CRTC3: variants seen among roughly 807,000 people sequenced by gnomAD.
CRTC3 encodes the protein CREB-regulated transcription coactivator 3.
In CRTC3, 26 loss-of-function variants were observed where a neutral mutation model predicts 74.5. That is an observed-to-expected ratio of 0.35 (90% CI 0.26 to 0.48). The LOEUF (loss-of-function observed/expected upper bound fraction) is 0.48, where lower values mean the gene tolerates loss of function less well. CRTC3 is among the 20% of genes least tolerant of loss of function. CRTC3 has a pLI of 0.99. For synonymous variants in CRTC3, 377 were observed against 325.8 expected, an observed-to-expected ratio of 1.16 and a Z score of -1.69; for missense variants, 760 against 787.3, an observed-to-expected ratio of 0.97 and a Z score of 0.41.
intron 7 of CRTC3, among the ~76,000 whole-genome samples, chr15:90,615,882 C>T (rs1437149611): frequency 3.3e-5 from 5 of 150,946 alleles, no homozygotes; most frequent in Non-Finnish European, 5.9e-5. Flanking sequence ...TTTTTGGAGA[C>T]GGAGTCTCGC....
Position 90,638,544 on chromosome 15 carries a change from CCAGCCCCTCCTGCAG to C in CRTC3, c.1373_1387del (p.Leu458_Pro462del), listed in dbSNP as rs1969322670. ...CTTACCCTGCACCCCAGGAGCTCACCCAGCCCCTCCTGCAGCAGCCCCGCGCCCCTGAGGCCCCTG... is the reference window on the plus strand; with the variant it reads ...CTTACCCTGCACCCCAGGAGCTCACCCAGCCCCGCGCCCCTGAGGCCCCTG... On this transcript the variant is annotated inframe_deletion, in exon 12 of 15. Transcript: ENST00000268184. 6.2e-7 allele frequency: 1 copy of C among 1,613,172 alleles called. No homozygotes were observed. Among genetic ancestry groups the C allele is most frequent in the East Asian group, 2.2e-5 (1 of 44,884 alleles).
chr15:90,569,576 C>T (rs534741841), intron 2 of CRTC3, among the ~76,000 whole-genome samples: 2 of 83,436 alleles, frequency 2.4e-5, no homozygotes, highest in Non-Finnish European at 6.1e-5. Context: ...AATTGGTATA[C>T]GTCTTTTTTG....
rs1234530581 is a variant in CRTC3, at chr15:90,543,208, G to A, written c.231+3071G>A. Among the ~76,000 whole-genome samples, 4 of 148,044 alleles carry A rather than the reference G, an allele frequency of 2.7e-5. No individual in the cohort carries two copies. In the East Asian group the frequency reaches 7.9e-4, roughly 29 times the overall value. On this transcript the variant is annotated intron_variant, in intron 2 of 14. Coordinates refer to ENST00000268184, the MANE Select transcript of CRTC3 (RefSeq NM_022769.5). The stretch of plus-strand genomic sequence containing the variant: ...GCTACTTGGGAAGCCGAAGTGGGAG[G>A]ATTGAGTGCTTGAGTCCAGAGAGCA...
At chr15:90,632,076 A>ATT (rs5814442) in intron 11 of CRTC3, among the ~76,000 whole-genome samples, 9,460 of 145,212 alleles carry the variant, frequency 0.065, 370 homozygotes, top group Middle Eastern at 0.12. Flanking sequence ...TAATTTTTGT[A>ATT]TTTTTTTTTT....
At chr15:90,635,176 C>A in intron 11 of CRTC3, 2 of 547,514 alleles carry the variant, frequency 3.7e-6, no homozygotes, top group Non-Finnish European at 6.5e-6. Context: ...AAAATTGTTT[C>A]CTTGTACTGA....
In CRTC3 at chr15:90,641,183, G is replaced by A. The variant is rs748481937; in HGVS notation, c.1635G>A (p.Pro545=). 1.7e-5 allele frequency: 27 copies of A among 1,612,350 alleles called. No homozygotes were observed. Among genetic ancestry groups the A allele is most frequent in the South Asian group, 1.2e-4 (11 of 90,986 alleles). Residue 545 remains proline (P), a synonymous_variant, in exon 14 of 15, where the codon CCG becomes CCA. Transcript: ENST00000268184. ...PSPYSNCGSL[P]NTILPEDSST... is the part of the protein sequence containing the mutation. The stretch of plus-strand genomic sequence containing the variant: ...CGTATTCCAACTGCGGGAGTCTCCC[G>A]AACACCATCCTGCCAGGTGAGCGAG...
At chr15:90,576,021 A>G (rs1316726192) in intron 2 of CRTC3, among the ~76,000 whole-genome samples, 1 of 152,194 alleles carries the variant, frequency 6.6e-6, no homozygotes, top group African/African-American at 2.4e-5. Context: ...ATTAGAGACA[A>G]AAAGACCAAT....
In CRTC3 at chr15:90,629,143, G is replaced by C. The variant is rs1379854140; in HGVS notation, c.968-91G>C. The C allele has an allele frequency of 4.1e-6, 5 of 1,219,270 alleles. No individual in the cohort carries two copies. The Admixed American group carries it at 9.1e-5, about 22-fold the overall frequency. The allele number at this position is 1,219,270 out of a possible 1,614,324, so 75.5% of individuals were successfully genotyped here. A position where few individuals can be genotyped will look rare whatever the true frequency, so the allele number is the denominator to read the frequency against. The stretch of plus-strand genomic sequence containing the variant: ...CTCCTTTACCTACAGAATCATCATC[G>C]CATGTGACAGTAGACAGTTTTCTTT... On this transcript the variant is annotated intron_variant, in intron 10 of 14. Coordinates refer to ENST00000268184, the MANE Select transcript of CRTC3 (RefSeq NM_022769.5).
rs146625731 is a variant in CRTC3 at position 90,547,289 on chromosome 15, T to C, written c.231+7152T>C. On this transcript the variant is annotated intron_variant, in intron 2 of 14. Coordinates refer to ENST00000268184, the MANE Select transcript of CRTC3 (RefSeq NM_022769.5). ...CAATATATGATACATTGTTATTAAC[T>C]TTAGCAATCATGATGTACTATAGAT... Among the ~76,000 whole-genome samples the C allele has an allele frequency of 5.9e-5, 9 of 152,332 alleles. No homozygotes were observed. In the East Asian group the frequency reaches 1.7e-3, roughly 29 times the overall value.
At chr15:90,618,310 G>A (rs1968549393) in intron 8 of CRTC3, 1 of 173,628 alleles carries the variant, frequency 5.8e-6, no homozygotes, top group East Asian at 1.6e-4. Context: ...TGTTTTTTTA[G>A]CCAGCACTTT....
intron 2 of CRTC3, among the ~76,000 whole-genome samples, chr15:90,545,628 G>A (rs1031035087): frequency 1.3e-5 from 2 of 151,780 alleles, no homozygotes; most frequent in African/African-American, 4.8e-5. Context: ...CCAGGCTGGA[G>A]TGCAGTGGCA....
chr15:90,627,335 A>G (rs2151091814), intron 10 of CRTC3, among the ~76,000 whole-genome samples: 1 of 152,338 alleles, frequency 6.6e-6, no homozygotes, highest in African/African-American at 2.4e-5. Context: ...GAGAAATTTG[A>G]TATTTGCTTC....
Position 90,630,756 on chromosome 15 carries a change from ATTTTTTTTTTTTTTT to A in CRTC3, c.1266+1242_1266+1256del, listed in dbSNP as rs1175467073. ...CACATCCTCTGTCTATTACAGCATCATTTTTTTTTTTTTTTTTTTTTTTTTTTTTTTTGAGACGGA... is the reference window on the plus strand; with the variant it reads ...CACATCCTCTGTCTATTACAGCATCATTTTTTTTTTTTTTTTTGAGACGGA... On this transcript the variant is annotated intron_variant, in intron 11 of 14. Coordinates refer to ENST00000268184, the MANE Select transcript of CRTC3 (RefSeq NM_022769.5). Among the ~76,000 whole-genome samples, 11 of 23,652 alleles carry A rather than the reference ATTTTTTTTTTTTTTT, an allele frequency of 4.7e-4. 2 individuals are homozygous for A. The highest frequency in any genetic ancestry group is 2.3e-3 in the East Asian group (2 of 864). The allele number at this position is 23,652 out of a possible 152,430, so 15.5% of individuals were successfully genotyped here.
chr15:90,599,085 G>A (rs1318478710), intron 3 of CRTC3: 2 of 152,742 alleles, frequency 1.3e-5, no homozygotes, highest in East Asian at 1.9e-4. Context: ...GGGCGGAAAG[G>A]AGTGCACAGA....
At chr15:90,546,347 C>T (rs1966844262) in intron 2 of CRTC3, among the ~76,000 whole-genome samples, 4 of 152,102 alleles carry the variant, frequency 2.6e-5, no homozygotes, top group Admixed American at 2.6e-4. Context: ...ATCAATTGAC[C>T]ATATACATGT....
At chr15:90,551,358 C>A (rs941826892) in intron 2 of CRTC3, among the ~76,000 whole-genome samples, 6 of 152,064 alleles carry the variant, frequency 3.9e-5, no homozygotes, top group African/African-American at 1.4e-4. Flanking sequence ...ACTGTCTCCC[C>A]CTCACCGCTG....
chr15:90,612,222 C>G (rs56668844), intron 6 of CRTC3, among the ~76,000 whole-genome samples: 44,801 of 151,734 alleles, frequency 0.3, 6,885 homozygotes, highest in East Asian at 0.53. Context: ...GAGTTCTAGT[C>G]CCAGAACTTA....
At position 90,622,831 on chromosome 15, in the gene CRTC3, A is replaced by G. The variant is rs1245375956; in HGVS notation, c.750-2945A>G. On this transcript the variant is annotated intron_variant, in intron 9 of 14. Coordinates refer to ENST00000268184, the MANE Select transcript of CRTC3 (RefSeq NM_022769.5). ...GCACCACTGCACTCCAGCCTGGGCG[A>G]CAGAGCAAGACTCTGTCTCAAAAAA... Among the ~76,000 whole-genome samples the G allele has an allele frequency of 2.7e-5, 4 of 149,464 alleles. 1 individual carries two copies. The East Asian group carries it at 5.8e-4, about 22-fold the overall frequency.
At chr15:90,613,532 C>T (rs868827640) in intron 6 of CRTC3, 15 of 152,314 alleles carry the variant, frequency 9.8e-5, no homozygotes, top group African/African-American at 3.4e-4. Flanking sequence ...CTGTATCACC[C>T]GGCCCCACCT....
Sources: gnomAD v4.1 joint callset for allele counts (sites outside exome capture counted in the v4.1 genomes callset) on GRCh38, gnomAD v4.1.1 for gene constraint, MANE v1.5 for transcripts, NCBI Gene and HGNC (gene_info 2026-07-23, HGNC 2026-07-21) for gene names.